RIMS2: variants seen among roughly 807,000 people sequenced by gnomAD.
The protein encoded by RIMS2 is regulating synaptic membrane exocytosis 2, also known as regulating synaptic membrane exocytosis protein 2.
In RIMS2, 59 loss-of-function variants were observed where a neutral mutation model predicts 174.4. The ratio of observed to expected loss-of-function variants is 0.34; its 90% CI spans 0.27 to 0.42. RIMS2 has a LOEUF of 0.42. Ranked by LOEUF, RIMS2 falls within the 10% of genes least tolerant of loss-of-function variation. The pLI is 1.00. For synonymous variants in RIMS2, 606 were observed against 572.5 expected, an observed-to-expected ratio of 1.06 and a Z score of -0.84; for missense variants, 1,620 against 1,666.3, an observed-to-expected ratio of 0.97 and a Z score of 0.48.
intron 4 of RIMS2, among the ~76,000 whole-genome samples, chr8:103,888,799 CT>C (rs969614042): frequency 2.6e-5 from 4 of 151,442 alleles, no homozygotes; most frequent in South Asian, 2.1e-4. Flanking sequence ...ATGGCTTTCA[CT>C]TTTTTTTATT....
chr8:103,776,650 G>A (rs2098321213), intron 3 of RIMS2, among the ~76,000 whole-genome samples: 1 of 152,052 alleles, frequency 6.6e-6, no homozygotes, highest in Non-Finnish European at 1.5e-5. Context: ...TGTGTAACTT[G>A]TACAAATTTT....
chr8:103,526,397 A>G (rs1833992174), intron 1 of RIMS2, among the ~76,000 whole-genome samples: 1 of 152,212 alleles, frequency 6.6e-6, no homozygotes, highest in African/African-American at 2.4e-5. Context: ...GTTTTTACTT[A>G]TAATGTCTTA....
chr8:103,686,852 C>G (rs910233911), intron 1 of RIMS2, among the ~76,000 whole-genome samples: 1 of 151,970 alleles, frequency 6.6e-6, no homozygotes, highest in Non-Finnish European at 1.5e-5. Flanking sequence ...GCCTTGTATT[C>G]CTGGACTCAA....
intron 2 of RIMS2, among the ~76,000 whole-genome samples, chr8:103,748,581 C>G (rs1419325035): frequency 6.6e-6 from 1 of 152,168 alleles, no homozygotes; most frequent in South Asian, 2.1e-4. Context: ...CAAGGTCGTT[C>G]TGGTGATTTC....
chr8:104,107,387 A>G (rs1011120252), intron 19 of RIMS2, among the ~76,000 whole-genome samples: 2 of 152,120 alleles, frequency 1.3e-5, no homozygotes, highest in Non-Finnish European at 2.9e-5. Context: ...TTTTAAGTAT[A>G]TATTTAATCT....
At chr8:104,206,421 T>G (rs1044944319) in intron 19 of RIMS2, among the ~76,000 whole-genome samples, 1 of 152,200 alleles carries the variant, frequency 6.6e-6, no homozygotes, top group Non-Finnish European at 1.5e-5. Flanking sequence ...CTTTGCATTT[T>G]TGTAGATGTA....
intron 1 of RIMS2, chr8:103,501,584 T>A (rs543635571): frequency 6.5e-6 from 1 of 152,800 alleles, no homozygotes; most frequent in South Asian, 2.1e-4. Context: ...CTGCCCACAG[T>A]GGCTGCGAGC....
chr8:104,178,708 T>G (rs931272004), intron 19 of RIMS2, among the ~76,000 whole-genome samples: 4 of 152,058 alleles, frequency 2.6e-5, no homozygotes, highest in Non-Finnish European at 5.9e-5. Context: ...TACATTTTGT[T>G]GTTGCTGTTG....
At chr8:104,174,509 A>G (rs939225264) in intron 19 of RIMS2, among the ~76,000 whole-genome samples, 1 of 152,192 alleles carries the variant, frequency 6.6e-6, no homozygotes, top group Non-Finnish European at 1.5e-5. Flanking sequence ...TTATTTCTTA[A>G]GCCAAATAAC....
rs73699005 is a variant in RIMS2 at position 103,918,435 on chromosome 8, T to C, written c.2037-6T>C. On this transcript the variant is annotated splice_polypyrimidine_tract_variant and splice_region_variant and intron_variant, in intron 8 of 23. Transcript: ENST00000504942. ...CTGTCTTTCTTTTTTTTTTTAATCA[T>C]TTCAGAGATATACCGCGAATACCTG... 3,919 of 1,550,716 alleles carry C rather than the reference T, an allele frequency of 2.5e-3. 77 individuals are homozygous for C. The African/African-American group carries it at 0.046, about 18-fold the overall frequency.
intron 1 of RIMS2, among the ~76,000 whole-genome samples, chr8:103,578,254 G>A (rs909929088): frequency 3.3e-5 from 5 of 152,208 alleles, no homozygotes; most frequent in Non-Finnish European, 7.3e-5. Flanking sequence ...TATCGGCCAG[G>A]CATTGTGGTT....
chr8:103,758,558 A>T (rs551083389), intron 2 of RIMS2, among the ~76,000 whole-genome samples: 1 of 152,088 alleles, frequency 6.6e-6, no homozygotes. Context: ...CACATGCAGC[A>T]CTTCTAGTTC....
At chr8:103,710,690 G>GA (rs1456394740) in intron 2 of RIMS2, among the ~76,000 whole-genome samples, 1 of 151,430 alleles carries the variant, frequency 6.6e-6, no homozygotes, top group Admixed American at 6.6e-5. Context: ...CACTAATTTA[G>GA]AAAAAAATAA....
intron 1 of RIMS2, among the ~76,000 whole-genome samples, chr8:103,659,959 G>C (rs1337022797): frequency 6.6e-6 from 1 of 152,194 alleles, no homozygotes; most frequent in African/African-American, 2.4e-5. Context: ...CATTGATGTG[G>C]GCTCCCGCCT....
At chr8:103,748,336 T>C (rs1365019586) in intron 2 of RIMS2, among the ~76,000 whole-genome samples, 1 of 151,940 alleles carries the variant, frequency 6.6e-6, no homozygotes, top group Non-Finnish European at 1.5e-5. Context: ...TCCCAGCTAC[T>C]TGAGAGGCTG....
At chr8:104,062,935 T>A (rs192448882) in intron 19 of RIMS2, among the ~76,000 whole-genome samples, 1 of 152,200 alleles carries the variant, frequency 6.6e-6, no homozygotes, top group African/African-American at 2.4e-5. Flanking sequence ...AAAATATGTC[T>A]CTTTTATATA....
chr8:103,636,332 A>G (rs1030756712), intron 1 of RIMS2, among the ~76,000 whole-genome samples: 2 of 152,136 alleles, frequency 1.3e-5, no homozygotes, highest in Non-Finnish European at 2.9e-5. Flanking sequence ...TACTTTTGTC[A>G]GAAATTGTAA....
At chr8:104,227,755 T>C (rs907731851) in intron 19 of RIMS2, among the ~76,000 whole-genome samples, 3 of 152,186 alleles carry the variant, frequency 2.0e-5, no homozygotes, top group Admixed American at 2.0e-4. Flanking sequence ...CAAATATAGT[T>C]TGGCAATCAT....
At chr8:104,027,774 T>G (rs750068873) in intron 19 of RIMS2, among the ~76,000 whole-genome samples, 3 of 152,166 alleles carry the variant, frequency 2.0e-5, no homozygotes, top group Admixed American at 6.6e-5. Context: ...AAGATAATTT[T>G]TCAGTGCTTA....
Sources: gnomAD v4.1 joint callset for allele counts (sites outside exome capture counted in the v4.1 genomes callset) on GRCh38, gnomAD v4.1.1 for gene constraint, MANE v1.5 for transcripts, NCBI Gene and HGNC (gene_info 2026-07-23, HGNC 2026-07-21) for gene names.